UBE3C: variants seen among roughly 807,000 people sequenced by gnomAD.
UBE3C encodes ubiquitin protein ligase E3C, also known as ubiquitin-protein ligase E3C.
A neutral mutation model predicts 129.4 loss-of-function variants in UBE3C; 42 were observed. That is an observed-to-expected ratio of 0.32 (90% CI 0.25 to 0.42). The LOEUF (loss-of-function observed/expected upper bound fraction) is 0.42. UBE3C is among the 10% of genes least tolerant of loss of function. The pLI is 1.00. For synonymous variants in UBE3C, 510 were observed against 492.4 expected (o/e 1.04, Z -0.47); for missense variants, 1,049 against 1,319.1 (o/e 0.80, Z 3.17).
intron 11 of UBE3C, 139 bp downstream of exon 11, chr7:157,201,946 T>C: frequency 1.5e-6 from 1 of 663,054 alleles, no homozygotes; most frequent in Non-Finnish European, 2.5e-6. Context: ...CCAGATGGTC[T>C]CAGTTGCACA....
intron 13 of UBE3C, among the ~76,000 whole-genome samples, chr7:157,208,997 C>A (rs1307168686): frequency 2.0e-5 from 3 of 152,164 alleles, no homozygotes; most frequent in African/African-American, 7.2e-5. Flanking sequence ...CCCTTTGGGT[C>A]TTTTATCACT....
chr7:157,140,952 G>A (rs1807428791), intron 1 of UBE3C, among the ~76,000 whole-genome samples: 1 of 152,192 alleles, frequency 6.6e-6, no homozygotes, highest in Non-Finnish European at 1.5e-5. Flanking sequence ...GAGGAGGAAG[G>A]GCGAGAGGGA....
intron 1 of UBE3C, among the ~76,000 whole-genome samples, chr7:157,159,246 A>G (rs1808000700): frequency 6.6e-6 from 1 of 152,202 alleles, no homozygotes; most frequent in Non-Finnish European, 1.5e-5. Context: ...GAAAACTTGA[A>G]AAAAGTATTT....
At chr7:157,142,689 G>C (rs542334229) in intron 1 of UBE3C, among the ~76,000 whole-genome samples, 1 of 152,052 alleles carries the variant, frequency 6.6e-6, no homozygotes, top group Non-Finnish European at 1.5e-5. Flanking sequence ...GGGACTACTA[G>C]AGGGGGAAAG....
chr7:157,244,858 A>G (rs1796435981), intron 18 of UBE3C, among the ~76,000 whole-genome samples: 2 of 152,122 alleles, frequency 1.3e-5, no homozygotes, highest in Non-Finnish European at 2.9e-5. Context: ...ACCTATTGCT[A>G]TTTTTTTCAT....
chr7:157,164,860 T>C (rs916407789), intron 2 of UBE3C, among the ~76,000 whole-genome samples: 2 of 152,162 alleles, frequency 1.3e-5, no homozygotes, highest in African/African-American at 2.4e-5. Context: ...TGATTACAGC[T>C]GGAAGGGCCT....
chr7:157,266,718 T>C (rs1308315294), intron 22 of UBE3C, among the ~76,000 whole-genome samples: 1 of 152,220 alleles, frequency 6.6e-6, no homozygotes, highest in Non-Finnish European at 1.5e-5. Flanking sequence ...ACAGGAAAGA[T>C]AGAATAAATC....
At position 157,139,170 on chromosome 7, in the gene UBE3C, GGGCC is replaced by G; in HGVS notation, c.-100_-97del. 1.2e-6 allele frequency: 1 copy of G among 837,038 alleles called. No homozygotes were observed. Among genetic ancestry groups the G allele is most frequent in the South Asian group, 5.4e-5 (1 of 18,508 alleles). 51.9% of individuals were successfully genotyped at this position (837,038 alleles called of 1,614,324 possible). On this transcript the variant is annotated 5_prime_UTR_variant, in exon 1 of 23. It removes the in-frame stop codon of an upstream open reading frame in the 5' UTR. Transcript: ENST00000348165. Reference sequence around the variant, plus strand: ...CCGGCCGCCGCGTCCTCGCTGCCCCGGGCCGGGCGGGCGGGCGCCGAGAGCCTCC... The same window carrying G: ...CCGGCCGCCGCGTCCTCGCTGCCCCGGGGCGGGCGGGCGCCGAGAGCCTCC...
chr7:157,213,935 A>G (rs1055659282), intron 13 of UBE3C, among the ~76,000 whole-genome samples: 5 of 152,228 alleles, frequency 3.3e-5, no homozygotes, highest in African/African-American at 1.2e-4. Context: ...TATTTTGGAC[A>G]TACTTCTACT....
At chr7:157,238,883 C>T (rs749532979) in intron 18 of UBE3C, among the ~76,000 whole-genome samples, 1 of 152,140 alleles carries the variant, frequency 6.6e-6, no homozygotes, top group Non-Finnish European at 1.5e-5. Flanking sequence ...AGTGGGATTT[C>T]AGGTGCCAAA....
intron 11 of UBE3C, among the ~76,000 whole-genome samples, chr7:157,202,526 G>A (rs1351130541): frequency 1.3e-5 from 2 of 152,130 alleles, no homozygotes; most frequent in African/African-American, 4.8e-5. Flanking sequence ...GCATGGTGGT[G>A]CGTGCCTGTA....
rs1797120313 is a variant in UBE3C at position 157,267,773 on chromosome 7, G to A, written c.*18G>A. The A allele has an allele frequency of 6.4e-7, 1 of 1,556,000 alleles. No homozygotes were observed. Among genetic ancestry groups the A allele is most frequent in the Non-Finnish European group, 8.7e-7 (1 of 1,153,348 alleles). On this transcript the variant is annotated 3_prime_UTR_variant, in exon 23 of 23. Transcript: ENST00000348165. ...TGAGCTGAAGCTGATGCTGGGGTCAGACCCCTACAGAGAACCAGTGCTTCC... is the reference window on the plus strand; with the variant it reads ...TGAGCTGAAGCTGATGCTGGGGTCAAACCCCTACAGAGAACCAGTGCTTCC...
At chr7:157,198,050 CA>C (rs1215238785) in intron 10 of UBE3C, 2 of 1,608,090 alleles carry the variant, frequency 1.2e-6, no homozygotes, top group African/African-American at 1.3e-5. Context: ...ACTGAAGCTC[CA>C]GGGGGATCTC....
chr7:157,226,462 G>A (rs1354150230), intron 17 of UBE3C, among the ~76,000 whole-genome samples: 2 of 152,136 alleles, frequency 1.3e-5, no homozygotes, highest in African/African-American at 2.4e-5. Context: ...GGTCAATGCC[G>A]AGGGGATTAA....
chr7:157,195,787 G>A (rs1204864273), intron 10 of UBE3C, among the ~76,000 whole-genome samples: 1 of 152,164 alleles, frequency 6.6e-6, no homozygotes, highest in Admixed American at 6.5e-5. Flanking sequence ...CTGTAATAAT[G>A]GGTTGTGACT....
chr7:157,191,809 T>A (rs1808976115), intron 10 of UBE3C, among the ~76,000 whole-genome samples: 1 of 152,218 alleles, frequency 6.6e-6, no homozygotes, highest in South Asian at 2.1e-4. Flanking sequence ...ATATATACCG[T>A]CCATGTGTTT....
chr7:157,151,029 T>C (rs974214476), intron 1 of UBE3C, among the ~76,000 whole-genome samples: 1 of 152,194 alleles, frequency 6.6e-6, no homozygotes, highest in Non-Finnish European at 1.5e-5. Context: ...CCCGCTAAGC[T>C]GCTGAGCAGA....
rs1253547418 is a variant in UBE3C at position 157,267,869 on chromosome 7, T to C, written c.*114T>C. 14 of 824,206 alleles carry C rather than the reference T, an allele frequency of 1.7e-5. No homozygotes were observed. Among genetic ancestry groups the C allele is most frequent in the South Asian group, 1.5e-4 (6 of 41,244 alleles). 51.1% of individuals were successfully genotyped at this position (824,206 alleles called of 1,614,324 possible). A position where few individuals can be genotyped will look rare whatever the true frequency, so the allele number is the denominator to read the frequency against. ...ACGCCTGAGGCTCTCCTAAGCTCCT[T>C]CTTTCATTCTGCCATTCCTCCCTCC... On this transcript the variant is annotated 3_prime_UTR_variant, in exon 23 of 23. Transcript: ENST00000348165.
chr7:157,207,395 A>G lies in UBE3C; in HGVS notation c.1419-3A>G, dbSNP rs770865191. The G allele has an allele frequency of 7.5e-6, 12 of 1,597,088 alleles. No individual in the cohort carries two copies. Among genetic ancestry groups the G allele is most frequent in the Non-Finnish European group, 1.0e-5 (12 of 1,176,550 alleles). Reference sequence around the variant, plus strand: ...GTTTTTTTCTTCTTTTCTTTAATTCAAGGTCTATGGTACCGTTGCTTCAGG... The same window carrying G: ...GTTTTTTTCTTCTTTTCTTTAATTCGAGGTCTATGGTACCGTTGCTTCAGG... On this transcript the variant is annotated splice_polypyrimidine_tract_variant and splice_region_variant and intron_variant, in intron 11 of 22. Transcript: ENST00000348165.
Sources: gnomAD v4.1 joint callset for allele counts (sites outside exome capture counted in the v4.1 genomes callset) on GRCh38, gnomAD v4.1.1 for gene constraint, MANE v1.5 for transcripts, NCBI Gene and HGNC (gene_info 2026-07-23, HGNC 2026-07-21) for gene names.